FHIT: variants seen among roughly 807,000 people sequenced by gnomAD.
The protein encoded by FHIT is fragile histidine triad diadenosine triphosphatase.
FHIT carries 19 observed loss-of-function variants against 17.9 expected under a neutral mutation model. The observed-to-expected ratio is 1.06, with a 90% CI of 0.74 to 1.56. FHIT has a LOEUF of 1.56. Ranked by LOEUF, FHIT falls within the 40% of genes most tolerant of loss-of-function variation. The probability of loss-of-function intolerance (pLI) is 0.00; values close to 1 mark genes in which losing one functional copy is unlikely to be tolerated. For missense variants in FHIT, 248 were observed against 189.2 expected (o/e 1.31, Z -1.82); for synonymous variants, 81 against 69.7 (o/e 1.16, Z -0.81).
intron 5 of FHIT, among the ~76,000 whole-genome samples, chr3:60,432,370 A>T (rs1702943819): frequency 6.6e-6 from 1 of 152,080 alleles, no homozygotes; most frequent in Admixed American, 6.6e-5. Context: ...GTTGGACCTA[A>T]TCTAGATAGC....
At chr3:60,221,210 C>T (rs779742965) in intron 5 of FHIT, among the ~76,000 whole-genome samples, 1 of 152,124 alleles carries the variant, frequency 6.6e-6, no homozygotes, top group Admixed American at 6.6e-5. Context: ...TAGTTTTCTT[C>T]CTTTTTCATC....
intron 5 of FHIT, among the ~76,000 whole-genome samples, chr3:60,196,598 C>A (rs1702650533): frequency 1.3e-5 from 2 of 152,018 alleles, no homozygotes; most frequent in Admixed American, 6.6e-5. Context: ...TTTGGGGGAT[C>A]ATTATTCCAC....
intron 8 of FHIT, among the ~76,000 whole-genome samples, chr3:59,798,907 T>C (rs993117373): frequency 6.6e-6 from 1 of 152,192 alleles, no homozygotes; most frequent in Non-Finnish European, 1.5e-5. Flanking sequence ...GTCATCTCAG[T>C]TGGCATTGGA....
chr3:60,810,271 C>T (rs147266250), intron 4 of FHIT, among the ~76,000 whole-genome samples: 131 of 152,162 alleles, frequency 8.6e-4, no homozygotes, highest in African/African-American at 3.1e-3. Context: ...ATAAACAAAA[C>T]AAGAAAAATA....
intron 4 of FHIT, among the ~76,000 whole-genome samples, chr3:60,646,762 T>TG (rs1417973797): frequency 6.6e-6 from 1 of 152,060 alleles, no homozygotes; most frequent in Non-Finnish European, 1.5e-5. Context: ...AGGGTAAAAG[T>TG]GGGGGAAAAA....
At chr3:59,828,075 C>A (rs745850386) in intron 8 of FHIT, among the ~76,000 whole-genome samples, 10 of 152,040 alleles carry the variant, frequency 6.6e-5, no homozygotes, top group Non-Finnish European at 1.0e-4. Flanking sequence ...CACATTTTGG[C>A]AACATTATGG....
intron 5 of FHIT, among the ~76,000 whole-genome samples, chr3:60,160,044 C>T (rs9882201): frequency 0.023 from 3,431 of 152,160 alleles, 147 homozygotes; most frequent in African/African-American, 0.079. Context: ...AACATATTGA[C>T]GGAAATCTTT....
Position 60,281,491 on chromosome 3 carries a change from AT to A in FHIT, c.103+255368del, listed in dbSNP as rs199993771. 6.5e-3 allele frequency among the ~76,000 whole-genome samples: 986 copies of A among 152,256 alleles called. 8 individuals carry two copies. Among genetic ancestry groups the A allele is most frequent in the African/African-American group, 0.023 (940 of 41,554 alleles). ...TACTGGTGACAGAATAGGTAAGTGA[AT>A]CAAAAGAACAGAAGAGGAAATCCAG... On this transcript the variant is annotated intron_variant, in intron 5 of 9. Coordinates refer to ENST00000492590, the MANE Select transcript of FHIT (RefSeq NM_002012.4).
At chr3:60,088,046 T>A (rs917244443) in intron 5 of FHIT, among the ~76,000 whole-genome samples, 1 of 152,160 alleles carries the variant, frequency 6.6e-6, no homozygotes, top group Non-Finnish European at 1.5e-5. Context: ...CCCTGGCTGC[T>A]TACACTCATG....
At chr3:60,286,111 C>T (rs1707716445) in intron 5 of FHIT, among the ~76,000 whole-genome samples, 1 of 152,102 alleles carries the variant, frequency 6.6e-6, no homozygotes, top group African/African-American at 2.4e-5. Context: ...CTGAGTGCAT[C>T]CTACTCTATT....
At chr3:60,194,616 C>G (rs1330533774) in intron 5 of FHIT, among the ~76,000 whole-genome samples, 2 of 152,060 alleles carry the variant, frequency 1.3e-5, no homozygotes, top group Non-Finnish European at 2.9e-5. Context: ...AGCTTCTGCA[C>G]AGCAAAAGAA....
intron 5 of FHIT, among the ~76,000 whole-genome samples, chr3:60,324,551 G>A (rs1216074590): frequency 7.2e-6 from 1 of 138,190 alleles, no homozygotes; most frequent in Non-Finnish European, 1.5e-5. Flanking sequence ...CCAAGCCTGG[G>A]TGACAGAGCG....
intron 3 of FHIT, among the ~76,000 whole-genome samples, chr3:60,922,556 A>C (rs1707339566): frequency 6.6e-6 from 1 of 152,230 alleles, no homozygotes; most frequent in African/African-American, 2.4e-5. Context: ...AAGTTGCAAA[A>C]GTTGAAGTTA....
rs2039235585 is a variant in FHIT, at chr3:61,206,459, G to A, written c.-212-5794C>T. On this transcript the variant is annotated intron_variant, in intron 1 of 9. Transcript: ENST00000492590. ...TTCTTCCTACCCATGGGCATGGAAT[G>A]TTCTTCCATTTGTTTGTATCCTCTT... Among the ~76,000 whole-genome samples the A allele has an allele frequency of 2.6e-5, 4 of 151,960 alleles. No homozygotes were observed. The South Asian group carries it at 8.3e-4, about 32-fold the overall frequency.
intron 2 of FHIT, among the ~76,000 whole-genome samples, chr3:61,098,730 T>C (rs891970526): frequency 3.3e-5 from 5 of 152,180 alleles, no homozygotes; most frequent in African/African-American, 4.8e-5. Flanking sequence ...TGTGACTATG[T>C]TACTGATTTG....
chr3:61,001,710 G>C (rs1333170669), intron 3 of FHIT, among the ~76,000 whole-genome samples: 1 of 152,116 alleles, frequency 6.6e-6, no homozygotes, highest in Non-Finnish European at 1.5e-5. Flanking sequence ...TCTGATGATG[G>C]GACAGTGAAG....
At chr3:59,863,737 T>A (rs1289850579) in intron 8 of FHIT, among the ~76,000 whole-genome samples, 2 of 152,218 alleles carry the variant, frequency 1.3e-5, no homozygotes, top group Non-Finnish European at 2.9e-5. Context: ...TACCTTCTTA[T>A]AAAGGATAAA....
intron 4 of FHIT, among the ~76,000 whole-genome samples, chr3:60,606,441 A>G (rs1298935014): frequency 1.3e-4 from 19 of 151,954 alleles, no homozygotes; most frequent in Non-Finnish European, 2.6e-4. Context: ...GGGTTTCACC[A>G]TGTTACCCAG....
At chr3:60,478,414 A>G (rs1325731406) in intron 5 of FHIT, among the ~76,000 whole-genome samples, 2 of 152,304 alleles carry the variant, frequency 1.3e-5, no homozygotes, top group East Asian at 1.9e-4. Flanking sequence ...CATTTACTGA[A>G]AACAAAGTAG....
Sources: allele counts gnomAD v4.1 joint callset (sites outside exome capture counted in the v4.1 genomes callset), GRCh38; gene constraint gnomAD v4.1.1; transcripts MANE v1.5; gene names NCBI Gene and HGNC (gene_info 2026-07-23, HGNC 2026-07-21).